GRK5: variants seen among roughly 807,000 people sequenced by gnomAD.
GRK5 encodes g protein-coupled receptor kinase GRK5.
A neutral mutation model predicts 78.4 loss-of-function variants in GRK5; 40 were observed. The observed-to-expected ratio is 0.51, with a 90% CI of 0.40 to 0.66. The LOEUF (loss-of-function observed/expected upper bound fraction) is 0.66. Among genes scored for constraint, GRK5 ranks in the 30% least tolerant of loss-of-function variants. GRK5 has a pLI of 0.00. For missense variants in GRK5, 598 were observed against 759.9 expected, an observed-to-expected ratio of 0.79 and a Z score of 2.50; for synonymous variants, 289 against 296.8, an observed-to-expected ratio of 0.97 and a Z score of 0.27.
At chr10:119,366,238 G>A (rs1851447123) in intron 2 of GRK5, among the ~76,000 whole-genome samples, 1 of 152,212 alleles carries the variant, frequency 6.6e-6, no homozygotes, top group African/African-American at 2.4e-5. Flanking sequence ...GACAAAAGGA[G>A]TGTAAACAGG....
At chr10:119,308,246 G>T (rs1401347467) in intron 1 of GRK5, among the ~76,000 whole-genome samples, 2 of 152,104 alleles carry the variant, frequency 1.3e-5, no homozygotes, top group Non-Finnish European at 2.9e-5. Context: ...TCAGGGTCAG[G>T]CCCCCATCAC....
chr10:119,242,541 C>T (rs1412362869), intron 1 of GRK5, among the ~76,000 whole-genome samples: 1 of 148,948 alleles, frequency 6.7e-6, no homozygotes. Context: ...GTCTGCTGCA[C>T]ACGAGATACA....
chr10:119,317,042 A>G (rs778531925), intron 1 of GRK5, among the ~76,000 whole-genome samples: 17 of 152,186 alleles, frequency 1.1e-4, no homozygotes, highest in Non-Finnish European at 2.1e-4. Flanking sequence ...GAAAATTCCA[A>G]GGACTTAGAG....
rs536406123 is a variant in GRK5, at chr10:119,251,053, G to A, written c.52+43084G>A. ...TGTGCATGAGGGGAAAATGTTTCTG[G>A]TTTTGTGTGTGTTTTCAATGACGAA... On this transcript the variant is annotated intron_variant, in intron 1 of 15. Transcript: ENST00000392870. 2.0e-5 allele frequency among the ~76,000 whole-genome samples: 3 copies of A among 152,066 alleles called. No homozygotes were observed. The South Asian group carries it at 6.2e-4, about 32-fold the overall frequency.
chr10:119,324,891 G>T (rs915917342), intron 1 of GRK5, among the ~76,000 whole-genome samples: 1 of 151,766 alleles, frequency 6.6e-6, no homozygotes, highest in Admixed American at 6.6e-5. Flanking sequence ...GGCAGGTGCC[G>T]CCTCACCACG....
chr10:119,396,574 C>A (rs1336543138), intron 3 of GRK5, 121 bp from the exon 4 acceptor site: 2 of 762,434 alleles, frequency 2.6e-6, no homozygotes, highest in Admixed American at 2.4e-5. Flanking sequence ...TCCTGACCTG[C>A]AGGAGAAGGG....
chr10:119,277,408 T>C (rs928035628), intron 1 of GRK5, among the ~76,000 whole-genome samples: 1 of 152,216 alleles, frequency 6.6e-6, no homozygotes, highest in South Asian at 2.1e-4. Flanking sequence ...TTGTTGATGT[T>C]GAGGCATGAT....
intron 2 of GRK5, among the ~76,000 whole-genome samples, chr10:119,362,436 C>T (rs1034249491): frequency 1.3e-5 from 2 of 152,222 alleles, no homozygotes; most frequent in African/African-American, 2.4e-5. Flanking sequence ...TGTGTTGCCT[C>T]GAGTTCCTGG....
At chr10:119,292,257 TTCCTCTTCCTCCTCCTTC>T (rs1012995840) in intron 1 of GRK5, among the ~76,000 whole-genome samples, 5 of 92,892 alleles carry the variant, frequency 5.4e-5, no homozygotes, top group African/African-American at 2.1e-4. Flanking sequence ...TCCCCTCCTC[TTCCTCTTCCTCCTCCTTC>T]TCCTCCTCTT....
chr10:119,276,239 A>T, intron 1 of GRK5, among the ~76,000 whole-genome samples: 1 of 152,032 alleles, frequency 6.6e-6, no homozygotes, highest in South Asian at 2.1e-4. Context: ...TTAGCATTAG[A>T]TATATCTCCT....
chr10:119,303,115 G>A (rs78280938), intron 1 of GRK5, among the ~76,000 whole-genome samples: 3 of 152,172 alleles, frequency 2.0e-5, no homozygotes, highest in Admixed American at 2.0e-4. Flanking sequence ...CCATGTGTCC[G>A]GTATTGTTCT....
intron 2 of GRK5, among the ~76,000 whole-genome samples, chr10:119,357,672 A>T (rs988828884): frequency 6.6e-6 from 1 of 152,160 alleles, no homozygotes; most frequent in African/African-American, 2.4e-5. Context: ...TGCTGGCCCC[A>T]CCATTGACAG....
chr10:119,423,163 C>T lies in GRK5; in HGVS notation c.340-3C>T, dbSNP rs1026131393. The T allele has an allele frequency of 6.2e-7, 1 of 1,606,128 alleles. No individual in the cohort carries two copies. Among genetic ancestry groups the T allele is most frequent in the South Asian group, 1.1e-5 (1 of 90,922 alleles). On this transcript the variant is annotated splice_polypyrimidine_tract_variant and splice_region_variant and intron_variant, in intron 4 of 15. Transcript: ENST00000392870. ...ACCACCTCCCTTCCCTTCCTTCTTC[C>T]AGTCCCCTGTTTTCATAGCCCAAGT...
chr10:119,443,097 G>C (rs927105567), intron 11 of GRK5, among the ~76,000 whole-genome samples: 2 of 152,210 alleles, frequency 1.3e-5, no homozygotes, highest in African/African-American at 4.8e-5. Context: ...TATCTTTTCT[G>C]TATTTCTATG....
At chr10:119,349,183 C>T (rs184116) in intron 2 of GRK5, among the ~76,000 whole-genome samples, 152,088 of 152,310 alleles carry the variant, frequency 1, 75,933 homozygotes, top group Non-Finnish European at 1. Context: ...AGGAAGGTGC[C>T]GTGGTCAGCA....
intron 1 of GRK5, among the ~76,000 whole-genome samples, chr10:119,294,897 G>A (rs1408393090): frequency 2.6e-5 from 4 of 152,136 alleles, no homozygotes; most frequent in Admixed American, 6.5e-5. Context: ...GTCTGGGCAG[G>A]GCATGGTGGC....
At chr10:119,262,124 G>T (rs547429942) in intron 1 of GRK5, among the ~76,000 whole-genome samples, 1 of 152,012 alleles carries the variant, frequency 6.6e-6, no homozygotes, top group Non-Finnish European at 1.5e-5. Context: ...TCAGATGTAC[G>T]TGTGTGAGTT....
At position 119,430,402 on chromosome 10, in the gene GRK5, G is replaced by A. The variant is rs775391298; in HGVS notation, c.561G>A (p.Arg187=). ...ERQPVTKNTF[R]QYRVLGKGGF... ...AACCGGTGACCAAAAACACTTTCAGGCAGTATCGAGTGCTAGGAAAAGGGG... is the reference window on the plus strand; with the variant it reads ...AACCGGTGACCAAAAACACTTTCAGACAGTATCGAGTGCTAGGAAAAGGGG... The change falls in exon 7 of 16, where the codon AGG becomes AGA. Residue 187 remains arginine (R), a synonymous_variant. Coordinates refer to ENST00000392870, the MANE Select transcript of GRK5 (RefSeq NM_005308.3). This position sits in a 1 kb window ranked among gnomAD's most constrained non-coding sequence, Gnocchi z 4.5. 6 of 1,613,374 alleles carry A rather than the reference G, an allele frequency of 3.7e-6. No homozygotes were observed. The highest frequency in any genetic ancestry group is 1.7e-5 in the Admixed American group (1 of 59,890).
At chr10:119,421,054 G>C (rs928569) in intron 4 of GRK5, among the ~76,000 whole-genome samples, 57,191 of 151,858 alleles carry the variant, frequency 0.38, 12,352 homozygotes, top group Admixed American at 0.48. Context: ...GGCCCACCCT[G>C]CTGGCATCTC....
Sources: gnomAD v4.1 joint callset for allele counts (sites outside exome capture counted in the v4.1 genomes callset) on GRCh38, gnomAD v4.1.1 for gene constraint, Gnocchi (gnomAD v3.1) non-coding constraint, MANE v1.5 for transcripts, NCBI Gene and HGNC (gene_info 2026-07-23, HGNC 2026-07-21) for gene names.